Variants in ATOX1 observed in about 807,000 individuals in gnomAD.
ATOX1 encodes copper transport protein ATOX1.
In ATOX1, 4 loss-of-function variants were observed where a neutral mutation model predicts 7.3. That is an observed-to-expected ratio of 0.55 (90% CI 0.27 to 1.25). ATOX1 has a LOEUF of 1.25. Ranked by LOEUF, ATOX1 falls within the 50% of genes most tolerant of loss-of-function variation. ATOX1 has a pLI of 0.12. For missense variants in ATOX1, 68 were observed against 81.6 expected, an observed-to-expected ratio of 0.83 and a Z score of 0.64; for synonymous variants, 25 against 28.7, an observed-to-expected ratio of 0.87 and a Z score of 0.41.
rs1761966257 is a variant in ATOX1, at chr5:151,752,598, T to G, written c.7-819A>C. 2.0e-5 allele frequency among the ~76,000 whole-genome samples: 3 copies of G among 152,198 alleles called. No individual in the cohort carries two copies. In the South Asian group the frequency reaches 6.2e-4, roughly 31 times the overall value. The stretch of plus-strand genomic sequence containing the variant: ...ACTTATTTTTGAGTCAATGGATAAT[T>G]GACATGGCTGGTTTGAACTTCTGGA... On this transcript the variant is annotated intron_variant, in intron 1 of 3. Coordinates refer to ENST00000313115, the MANE Select transcript of ATOX1 (RefSeq NM_004045.4).
chr5:151,758,433 G>A, intron 1 of ATOX1, 113 bp downstream of exon 1: 1 of 1,353,204 alleles, frequency 7.4e-7, no homozygotes, highest in Non-Finnish European at 9.6e-7. Context: ...GGACAACAGC[G>A]GCTCCGGCCG....
chr5:151,751,849 G>A (rs1761954867), intron 1 of ATOX1, 70 bp from the exon 2 acceptor site: 2 of 1,471,352 alleles, frequency 1.4e-6, no homozygotes, highest in Non-Finnish European at 1.9e-6. Flanking sequence ...CAGCAGACAG[G>A]CCCACTCAGG....
At chr5:151,755,401 G>A (rs905766623) in intron 1 of ATOX1, among the ~76,000 whole-genome samples, 6 of 152,162 alleles carry the variant, frequency 3.9e-5, no homozygotes, top group African/African-American at 1.4e-4. Context: ...GCAGTCATGT[G>A]GCAAATAACT....
intron 2 of ATOX1, among the ~76,000 whole-genome samples, chr5:151,750,550 ATTAAT>A (rs1014396476): frequency 2.0e-5 from 3 of 151,082 alleles, no homozygotes; most frequent in Non-Finnish European, 4.4e-5. Flanking sequence ...GTGATTCAAA[ATTAAT>A]TTAAATTTTT....
At chr5:151,750,882 A>G (rs1195853875) in intron 2 of ATOX1, among the ~76,000 whole-genome samples, 2 of 151,802 alleles carry the variant, frequency 1.3e-5, no homozygotes, top group Admixed American at 1.3e-4. Flanking sequence ...GGAACTCCTG[A>G]GCTCAGGCAA....
intron 1 of ATOX1, among the ~76,000 whole-genome samples, chr5:151,756,992 C>T (rs1762026347): frequency 6.6e-6 from 1 of 152,204 alleles, no homozygotes; most frequent in Non-Finnish European, 1.5e-5. Flanking sequence ...ACCCAGTTGG[C>T]AAGCTGGGGC....
chr5:151,747,322 G>A (rs1761891089), intron 2 of ATOX1, among the ~76,000 whole-genome samples: 1 of 152,062 alleles, frequency 6.6e-6, no homozygotes, highest in Non-Finnish European at 1.5e-5. Flanking sequence ...GTCTCACTGT[G>A]TTATACAGGC....
intron 2 of ATOX1, 112 bp downstream of exon 2, chr5:151,751,592 C>A (rs1761949163): frequency 9.2e-7 from 1 of 1,083,534 alleles, no homozygotes; most frequent in Non-Finnish European, 1.3e-6. Context: ...GCTAAGTACT[C>A]AATATATTTT....
chr5:151,745,095 T>C (rs1286715974), intron 3 of ATOX1: 3 of 152,236 alleles, frequency 2.0e-5, no homozygotes, highest in Admixed American at 6.5e-5. Flanking sequence ...AACAGATGCA[T>C]CTGACATCTT....
At chr5:151,757,833 C>T (rs1762036013) in intron 1 of ATOX1, among the ~76,000 whole-genome samples, 1 of 152,192 alleles carries the variant, frequency 6.6e-6, no homozygotes, top group Non-Finnish European at 1.5e-5. Flanking sequence ...TTTTATCTGC[C>T]AAAGGCCTCA....
At chr5:151,745,915 A>G (rs1347368612) in intron 3 of ATOX1, 3 of 171,630 alleles carry the variant, frequency 1.7e-5, no homozygotes, top group African/African-American at 7.2e-5. Context: ...CCTGGGCCAT[A>G]TAGTGAAACA....
At chr5:151,747,165 G>A (rs1268186575) in intron 2 of ATOX1, among the ~76,000 whole-genome samples, 1 of 151,324 alleles carries the variant, frequency 6.6e-6, no homozygotes, top group Admixed American at 6.6e-5. Flanking sequence ...ACTGTGAACA[G>A]TCTGGCTTCT....
At chr5:151,753,558 G>T (rs951189379) in intron 1 of ATOX1, among the ~76,000 whole-genome samples, 1 of 152,158 alleles carries the variant, frequency 6.6e-6, no homozygotes, top group Non-Finnish European at 1.5e-5. Context: ...GGAATCCTGG[G>T]TGTAGTGATA....
At chr5:151,749,498 A>T (rs1761917080) in intron 2 of ATOX1, among the ~76,000 whole-genome samples, 1 of 151,512 alleles carries the variant, frequency 6.6e-6, no homozygotes, top group Non-Finnish European at 1.5e-5. Flanking sequence ...AAAAAAAAAA[A>T]AAATTAGCCA....
At chr5:151,758,124 G>T (rs28917168) in intron 1 of ATOX1, among the ~76,000 whole-genome samples, 21,998 of 152,256 alleles carry the variant, frequency 0.14, 1,680 homozygotes, top group Admixed American at 0.17. Flanking sequence ...GGAAATAACC[G>T]GGTCCACTCC....
intron 2 of ATOX1, among the ~76,000 whole-genome samples, chr5:151,746,765 A>C (rs1761884208): frequency 6.6e-6 from 1 of 152,068 alleles, no homozygotes; most frequent in Admixed American, 6.6e-5. Context: ...ACAGAGACGC[A>C]CTCTGTTGCC....
At chr5:151,758,519 C>A (rs756064770) in intron 1 of ATOX1, 27 bp downstream of exon 1, 21 of 1,477,314 alleles carry the variant, frequency 1.4e-5, no homozygotes, top group Non-Finnish European at 1.9e-5. Flanking sequence ...TGCAAGTCTG[C>A]GTGGCGGGGA....
intron 2 of ATOX1, among the ~76,000 whole-genome samples, chr5:151,749,512 G>A (rs1373422013): frequency 4.7e-5 from 7 of 150,174 alleles, no homozygotes; most frequent in Admixed American, 1.3e-4. Context: ...TTAGCCAGGC[G>A]TGGTGGCGGG....
At chr5:151,750,194 G>A (rs1430697662) in intron 2 of ATOX1, among the ~76,000 whole-genome samples, 1 of 152,156 alleles carries the variant, frequency 6.6e-6, no homozygotes, top group Non-Finnish European at 1.5e-5. Context: ...TCCTCTCTGG[G>A]CCTCAGTTTC....
Sources: allele counts gnomAD v4.1 joint callset (sites outside exome capture counted in the v4.1 genomes callset), GRCh38; gene constraint gnomAD v4.1.1; transcripts MANE v1.5; gene names NCBI Gene and HGNC (gene_info 2026-07-23, HGNC 2026-07-21).